The following MIA2 variants were observed in gnomAD, a reference collection of about 807,000 sequenced individuals.
The protein encoded by MIA2 is melanoma inhibitory activity protein 2.
Under a neutral mutation model 167.8 loss-of-function variants are expected in MIA2, and 127 were observed. The ratio of observed to expected loss-of-function variants is 0.76; its 90% CI spans 0.66 to 0.88. The LOEUF (loss-of-function observed/expected upper bound fraction) is 0.88, where lower values mean the gene tolerates loss of function less well. Among genes scored for constraint, MIA2 ranks in the 40% least tolerant of loss-of-function variants. The probability of loss-of-function intolerance (pLI) is 0.00; values close to 1 mark genes in which losing one functional copy is unlikely to be tolerated. For missense variants in MIA2, 1,690 were observed against 1,624.7 expected, an observed-to-expected ratio of 1.04 and a Z score of -0.69; for synonymous variants, 552 against 541.9, an observed-to-expected ratio of 1.02 and a Z score of -0.26.
chr14:39,323,342 T>G (rs1369798189), intron 24 of MIA2, among the ~76,000 whole-genome samples: 1 of 152,026 alleles, frequency 6.6e-6, no homozygotes, highest in Non-Finnish European at 1.5e-5. Context: ...CCCTATAGAC[T>G]GATACTTAGA....
At chr14:39,235,958 G>A (rs2053723100) in intron 1 of MIA2, among the ~76,000 whole-genome samples, 1 of 151,990 alleles carries the variant, frequency 6.6e-6, no homozygotes, top group Non-Finnish European at 1.5e-5. Context: ...ACATATGTTT[G>A]TATAATTATA....
chr14:39,254,035 T>C (rs1221671030), intron 6 of MIA2, among the ~76,000 whole-genome samples: 1 of 152,206 alleles, frequency 6.6e-6, no homozygotes, highest in African/African-American at 2.4e-5. Context: ...AATTTTAATA[T>C]AGTGCTATAA....
At chr14:39,317,103 A>G (rs2065609058) in intron 21 of MIA2, among the ~76,000 whole-genome samples, 4 of 152,190 alleles carry the variant, frequency 2.6e-5, no homozygotes, top group Non-Finnish European at 5.9e-5. Flanking sequence ...CAGCCAGATG[A>G]CACCTAGGAT....
intron 23 of MIA2, among the ~76,000 whole-genome samples, chr14:39,358,489 C>T (rs1056527607): frequency 2.0e-5 from 3 of 152,102 alleles, no homozygotes; most frequent in African/African-American, 7.2e-5. Context: ...ACTTCTTTGC[C>T]ATGGGTTCGA....
Position 39,294,948 on chromosome 14 carries a change from T to G in MIA2, c.2415T>G (p.Phe805Leu), listed in dbSNP as rs1384850838. 1 of 1,612,900 alleles carries G rather than the reference T, an allele frequency of 6.2e-7. No individual in the cohort carries two copies. The highest frequency in any genetic ancestry group is 1.6e-4 in the Middle Eastern group (1 of 6,082). ...VAEAKMTFKIFQMNEERLKIA... is the reference protein window; with the variant it reads ...VAEAKMTFKILQMNEERLKIA... ...AGGCCAAAATGACCTTCAAGATATT[T>G]CAAATGAATGAAGAACGACTGAAGA... is the stretch of plus-strand genomic sequence containing the variant. The change falls in exon 13 of 29, where the codon TTT (phenylalanine) becomes TTG (leucine). Residue 805 changes from phenylalanine (F) to leucine (L), a missense_variant. Physicochemically the swap from Phe to Leu is conservative, Grantham distance 22. Coordinates refer to ENST00000640607, the MANE Select transcript of MIA2 (RefSeq NM_001329214.4).
intron 18 of MIA2, among the ~76,000 whole-genome samples, chr14:39,309,113 C>G (rs970596304): frequency 9.2e-5 from 14 of 152,148 alleles, no homozygotes; most frequent in Non-Finnish European, 2.9e-5. Flanking sequence ...CTGAATCTGA[C>G]CACTTTTTAC....
chr14:39,361,608 T>TTG (rs2074684640), intron 23 of MIA2, among the ~76,000 whole-genome samples: 1 of 152,050 alleles, frequency 6.6e-6, no homozygotes. Flanking sequence ...CTGGCTAATT[T>TTG]TGTGTATTTT....
chr14:39,236,489 T>A (rs937199551), intron 1 of MIA2, among the ~76,000 whole-genome samples: 5 of 152,198 alleles, frequency 3.3e-5, no homozygotes, highest in African/African-American at 1.2e-4. Flanking sequence ...ATTTACCTCA[T>A]AGATCTGTTT....
chr14:39,251,967 A>T (rs1045032400), intron 4 of MIA2, among the ~76,000 whole-genome samples: 2 of 152,118 alleles, frequency 1.3e-5, no homozygotes, highest in African/African-American at 4.8e-5. Flanking sequence ...GTGCTGCCTT[A>T]TTCTTAGTCA....
At position 39,303,502 on chromosome 14, in the gene MIA2, A is replaced by G; in HGVS notation, c.2765A>G (p.Lys922Arg). ...GATAATCCTCCAAAAGGAGCTTTGA[A>G]GAAACTGATTCATGCTGCTAAGGTT... Reference protein sequence around the residue: ...YLDNPPKGALKKLIHAAKLNA... With the variant: ...YLDNPPKGALRKLIHAAKLNA... Residue 922 changes from lysine (K) to arginine (R), a missense_variant, in exon 16 of 29, where the codon AAG becomes AGG. By Grantham distance (26) the Lys-to-Arg change is conservative. Transcript: ENST00000640607. The G allele has an allele frequency of 6.2e-7, 1 of 1,611,528 alleles. No individual in the cohort carries two copies. Among genetic ancestry groups the G allele is most frequent in the South Asian group, 1.1e-5 (1 of 90,846 alleles).
downstream of MIA2, among the ~76,000 whole-genome samples, chr14:39,355,557 C>G (rs891860982): frequency 1.3e-5 from 2 of 152,080 alleles, no homozygotes; most frequent in African/African-American, 2.4e-5. Context: ...CTTCTCCTGC[C>G]TGATTGCCCT....
chr14:39,277,637 C>T (rs1304072369), intron 7 of MIA2, among the ~76,000 whole-genome samples: 1 of 134,824 alleles, frequency 7.4e-6, no homozygotes, highest in African/African-American at 2.7e-5. Context: ...GTTTGAGCCA[C>T]CATGCTCAAC....
chr14:39,322,139 T>G (rs1201680797), intron 24 of MIA2, among the ~76,000 whole-genome samples: 1 of 152,172 alleles, frequency 6.6e-6, no homozygotes, highest in Non-Finnish European at 1.5e-5. Context: ...GATCTTTTTA[T>G]TGTAGAAAAT....
In MIA2 at chr14:39,320,946, C is replaced by A; in HGVS notation, c.3386C>A (p.Pro1129His). Reference sequence around the variant, plus strand: ...ATTCCAGAGCATTCCCCATATGGTCCCTCACCATTGGGTTGGCCTTCATCT... The same window carrying A: ...ATTCCAGAGCATTCCCCATATGGTCACTCACCATTGGGTTGGCCTTCATCT... ...AFGREHSPYG[P>H]SPLGWPSSET... is the part of the protein sequence containing the mutation. The change falls in exon 24 of 29, where the codon CCC (proline) becomes CAC (histidine). Residue 1129 changes from proline to histidine, a missense_variant. Physicochemically the swap from Pro to His is moderately conservative, Grantham distance 77. Coordinates refer to ENST00000640607, the MANE Select transcript of MIA2 (RefSeq NM_001329214.4). 1 of 1,613,420 alleles carries A rather than the reference C, an allele frequency of 6.2e-7. No individual in the cohort carries two copies. Among genetic ancestry groups the A allele is most frequent in the Non-Finnish European group, 8.5e-7 (1 of 1,179,684 alleles).
At chr14:39,386,117 A>G (rs905371174) in intron 23 of MIA2, 2 of 1,301,438 alleles carry the variant, frequency 1.5e-6, no homozygotes, top group Non-Finnish European at 2.2e-6. Context: ...GACATCAAGC[A>G]TTGGTCATCT....
chr14:39,297,722 A>T (rs114664911), intron 13 of MIA2, among the ~76,000 whole-genome samples: 17 of 140,980 alleles, frequency 1.2e-4, no homozygotes, highest in Non-Finnish European at 2.2e-4. Flanking sequence ...AGAGACAGAG[A>T]TAGAGAATGA....
intron 9 of MIA2, among the ~76,000 whole-genome samples, chr14:39,287,310 A>G (rs1040397373): frequency 6.6e-6 from 1 of 151,984 alleles, no homozygotes; most frequent in African/African-American, 2.4e-5. Context: ...CTTGGGCTCA[A>G]GTGATCCGCT....
At chr14:39,330,797 G>A (rs970997208) in intron 25 of MIA2, among the ~76,000 whole-genome samples, 2 of 152,154 alleles carry the variant, frequency 1.3e-5, no homozygotes, top group African/African-American at 2.4e-5. Context: ...TTAATCCTGA[G>A]TTCTAATTTG....
Position 39,277,226 on chromosome 14 carries a change from G to T in MIA2, c.2019+161G>T, listed in dbSNP as rs571269414. 1.3e-3 allele frequency among the ~76,000 whole-genome samples: 195 copies of T among 151,540 alleles called. 1 individual carries two copies. Among genetic ancestry groups the T allele is most frequent in the Middle Eastern group, 6.8e-3 (2 of 292 alleles). ...TTTTGTTTTTTTTAAAAGAGATGAGGGTCAGGAATGAGAGTCAGGCCCAGT... is the reference window on the plus strand; with the variant it reads ...TTTTGTTTTTTTTAAAAGAGATGAGTGTCAGGAATGAGAGTCAGGCCCAGT... On this transcript the variant is annotated intron_variant, in intron 7 of 28. Transcript: ENST00000640607.
Sources: gnomAD v4.1 joint callset for allele counts (sites outside exome capture counted in the v4.1 genomes callset) on GRCh38, gnomAD v4.1.1 for gene constraint, MANE v1.5 for transcripts, NCBI Gene and HGNC (gene_info 2026-07-23, HGNC 2026-07-21) for gene names.